ANHX: variants seen among roughly 807,000 people sequenced by gnomAD.
ANHX encodes the protein anomalous homeobox protein.
Under a neutral mutation model 38.9 loss-of-function variants are expected in ANHX, and 20 were observed. That is an observed-to-expected ratio of 0.51 (90% CI 0.36 to 0.75). The LOEUF is 0.75. Ranked by LOEUF, ANHX falls within the 30% of genes least tolerant of loss-of-function variation. ANHX has a pLI of 0.00. For missense variants in ANHX, 475 were observed against 493.1 expected (o/e 0.96, Z 0.35); for synonymous variants, 185 against 203.1 (o/e 0.91, Z 0.76).
rs1169541304 is a variant in ANHX, at chr12:133,234,303, C to G, written c.54G>C (p.Pro18=). 2 of 1,536,096 alleles carry G rather than the reference C, an allele frequency of 1.3e-6. No homozygotes were observed. The highest frequency in any genetic ancestry group is 1.7e-6 in the Non-Finnish European group (2 of 1,146,876). The part of the protein sequence containing the change: ...LKEHEDTCAP[P]AELVTLAGRL... ...TGCCCGCAAGGGTCACCAGCTCCGC[C>G]GGGGGTGCACAGGTGTCCTCATGCT... The change falls in exon 2 of 10, where the codon CCG becomes CCC. Residue 18 remains proline (P), a synonymous_variant. Transcript: ENST00000545940.
chr12:133,225,169 AG>A (rs999091945), intron 7 of ANHX, among the ~76,000 whole-genome samples: 10 of 152,084 alleles, frequency 6.6e-5, no homozygotes, highest in South Asian at 6.2e-4. Context: ...CTACAGGCTA[AG>A]GGGGGTGGAC....
At chr12:133,219,163 C>T in intron 9 of ANHX, 120 bp downstream of exon 9, 2 of 1,078,488 alleles carry the variant, frequency 1.9e-6, no homozygotes, top group Non-Finnish European at 2.7e-6. Context: ...ATCTTTGCCC[C>T]TTGTTTATCT....
rs1161912214 is a variant in ANHX, at chr12:133,227,067, G to A, written c.587C>T (p.Pro196Leu). ...CTGCTGGGCTGGCTTCATGTGCTGG[G>A]GAAGGGCTCTTTGGCGGCGCCGGTA... ...ANYRRRQRALPQHMKPAQQAT... is the reference protein window; with the variant it reads ...ANYRRRQRALLQHMKPAQQAT... The change falls in exon 5 of 10, where the codon CCC becomes CTC. Residue 196 changes from proline (P) to leucine (L), a missense_variant. Physicochemically the swap from Pro to Leu is moderately conservative, Grantham distance 98. Transcript: ENST00000545940. The A allele has an allele frequency of 3.3e-6, 5 of 1,535,964 alleles. No individual in the cohort carries two copies. Among genetic ancestry groups the A allele is most frequent in the Non-Finnish European group, 3.5e-6 (4 of 1,146,884 alleles).
intron 1 of ANHX, 144 bp from the exon 2 acceptor site, chr12:133,234,522 C>T (rs185578592): frequency 1.1e-6 from 1 of 894,254 alleles, no homozygotes; most frequent in African/African-American, 1.7e-5. Context: ...CCTCACACAT[C>T]CCGAGAGAGG....
intron 2 of ANHX, among the ~76,000 whole-genome samples, chr12:133,233,671 C>T (rs1337239839): frequency 1.3e-5 from 2 of 152,166 alleles, no homozygotes; most frequent in Admixed American, 1.3e-4. Flanking sequence ...GTGCCTAATG[C>T]GTTGAGGTTG....
chr12:133,226,884 T>C (rs1957196496), intron 5 of ANHX, 52 bp downstream of exon 5: 4 of 1,451,902 alleles, frequency 2.8e-6, no homozygotes, highest in Non-Finnish European at 3.6e-6. Flanking sequence ...CTGGCCCTTG[T>C]CAGAAACCAG....
rs574582536 is a variant in ANHX at position 133,222,187 on chromosome 12, T to C, written c.1133-835A>G. 5.9e-5 allele frequency among the ~76,000 whole-genome samples: 9 copies of C among 152,330 alleles called. No homozygotes were observed. In the East Asian group the frequency reaches 1.7e-3, roughly 29 times the overall value. ...ACACTCTGGAGAGAGGAAATAATGT[T>C]CAAGCACTAGTTTGGACATTCTAGT... On this transcript the variant is annotated intron_variant, in intron 7 of 9. Coordinates refer to ENST00000545940, the MANE Select transcript of ANHX (RefSeq NM_001372060.1).
intron 9 of ANHX, 136 bp downstream of exon 9, chr12:133,219,147 C>T (rs930645054): frequency 5.8e-6 from 6 of 1,028,426 alleles, no homozygotes; most frequent in Non-Finnish European, 8.6e-6. Flanking sequence ...TGTCCAGCCA[C>T]AAATCATCTT....
chr12:133,226,381 T>G lies in ANHX; in HGVS notation c.776A>C (p.Glu259Ala). 1.3e-6 allele frequency: 2 copies of G among 1,536,218 alleles called. No homozygotes were observed. Among genetic ancestry groups the G allele is most frequent in the Non-Finnish European group, 1.7e-6 (2 of 1,146,896 alleles). ...AAAGTCCGGGGCTAAGGCCAGTGGC[T>G]CCCATGGTCCTTGGGTGGTCTGTGG... ...QSPQTTQGPW[E>A]PLALAPDFPA... is the part of the protein sequence containing the mutation. The change falls in exon 6 of 10, where the codon GAG (glutamate) becomes GCG (alanine). Residue 259 changes from glutamate to alanine, a missense_variant. Glu to Ala is a moderately radical substitution (Grantham distance 107, BLOSUM62 -1). Transcript: ENST00000545940.
At chr12:133,224,028 C>G (rs1957150241) in intron 7 of ANHX, among the ~76,000 whole-genome samples, 1 of 152,126 alleles carries the variant, frequency 6.6e-6, no homozygotes, top group Admixed American at 6.5e-5. Flanking sequence ...CTCTTTCTTG[C>G]AAAGTTAACT....
At position 133,221,337 on chromosome 12, in the gene ANHX, G is replaced by C. The variant is rs762827806; in HGVS notation, c.1148C>G (p.Pro383Arg). The change falls in exon 8 of 10, where the codon CCC becomes CGC. Residue 383 changes from proline to arginine, a missense_variant. Transcript: ENST00000545940. The surrounding 1 kb of genome is among the most constrained non-coding windows in gnomAD (Gnocchi z 4.1). Reference protein sequence around the residue: ...DPSPTGFSGPPSGHPQSVQLE... With the variant: ...DPSPTGFSGPRSGHPQSVQLE... The stretch of plus-strand genomic sequence containing the variant: ...TTGCACGCTCTGGGGATGGCCGCTG[G>C]GGGGGCCAGAAAACCCTGCATGTAA... 5 of 1,535,340 alleles carry C rather than the reference G, an allele frequency of 3.3e-6. No homozygotes were observed. Among genetic ancestry groups the C allele is most frequent in the Admixed American group, 3.9e-5 (2 of 50,890 alleles).
In ANHX at chr12:133,227,811, C is replaced by T; in HGVS notation, c.501+13G>A. Reference sequence around the variant, plus strand: ...CAGGGACCCCCTGGGTCCTGGGTATCTTCTATTCTTACCCTCTCAGCCTTG... The same window carrying T: ...CAGGGACCCCCTGGGTCCTGGGTATTTTCTATTCTTACCCTCTCAGCCTTG... On this transcript the variant is annotated intron_variant, in intron 4 of 9. Coordinates refer to ENST00000545940, the MANE Select transcript of ANHX (RefSeq NM_001372060.1). 6.5e-7 allele frequency: 1 copy of T among 1,535,594 alleles called. No homozygotes were observed. The highest frequency in any genetic ancestry group is 8.7e-7 in the Non-Finnish European group (1 of 1,146,566).
rs1015375881 is a variant in ANHX, at chr12:133,231,547, G to T, written c.347C>A (p.Thr116Asn). 6.5e-7 allele frequency: 1 copy of T among 1,536,014 alleles called. No individual in the cohort carries two copies. The highest frequency in any genetic ancestry group is 2.0e-5 in the Admixed American group (1 of 50,976). The change falls in exon 3 of 10, where the codon ACC (threonine) becomes AAC (asparagine). Residue 116 changes from threonine (T) to asparagine (N), a missense_variant. Physicochemically the swap from Thr to Asn is moderately conservative, Grantham distance 65. Transcript: ENST00000545940. Reference protein sequence around the residue: ...VMRRLGVAALTPVQKFRCRKR... With the variant: ...VMRRLGVAALNPVQKFRCRKR... ...CCTGCAGCGGAACTTCTGCACCGGGGTGAGCGCAGCCACGCCCAGCCTCCT... is the reference window on the plus strand; with the variant it reads ...CCTGCAGCGGAACTTCTGCACCGGGTTGAGCGCAGCCACGCCCAGCCTCCT...
intron 3 of ANHX, among the ~76,000 whole-genome samples, chr12:133,230,369 A>C (rs1459824371): frequency 2.0e-5 from 3 of 152,194 alleles, no homozygotes; most frequent in Admixed American, 6.5e-5. Flanking sequence ...CTGTCACTCT[A>C]TTTGATGGGT....
intron 2 of ANHX, among the ~76,000 whole-genome samples, chr12:133,232,056 A>AG (rs201571500): frequency 0.021 from 3,148 of 152,224 alleles, 106 homozygotes; most frequent in African/African-American, 0.073. Flanking sequence ...CCAACAGCAA[A>AG]GGGGAGGTGG....
chr12:133,224,505 T>C (rs1423909336), intron 7 of ANHX, among the ~76,000 whole-genome samples: 1 of 146,480 alleles, frequency 6.8e-6, no homozygotes, highest in African/African-American at 2.5e-5. Context: ...CTACTGAAAA[T>C]ACAAAAAATT....
chr12:133,219,788 G>A (rs1386911515), intron 8 of ANHX, among the ~76,000 whole-genome samples: 2 of 152,172 alleles, frequency 1.3e-5, no homozygotes, highest in Non-Finnish European at 2.9e-5. Context: ...ATGAAGGCAG[G>A]TGTGCAGACT....
At chr12:133,224,036 A>G (rs1409787920) in intron 7 of ANHX, among the ~76,000 whole-genome samples, 1 of 152,240 alleles carries the variant, frequency 6.6e-6, no homozygotes, top group Non-Finnish European at 1.5e-5. Flanking sequence ...TGCAAAGTTA[A>G]CTGAAGCTGC....
At chr12:133,227,241 C>T in intron 4 of ANHX, 89 bp from the exon 5 acceptor site, 1 of 1,374,294 alleles carries the variant, frequency 7.3e-7, no homozygotes, top group Non-Finnish European at 9.7e-7. Context: ...TCATTTACAC[C>T]AAGAAAGGGG....
Sources: allele counts gnomAD v4.1 joint callset (sites outside exome capture counted in the v4.1 genomes callset), GRCh38; gene constraint gnomAD v4.1.1; non-coding constraint Gnocchi (gnomAD v3.1); transcripts MANE v1.5; gene names NCBI Gene and HGNC (gene_info 2026-07-23, HGNC 2026-07-21).